Variants in WWOX observed in about 807,000 individuals in gnomAD.
WWOX encodes the protein WW domain containing oxidoreductase, also known as WW domain-containing oxidoreductase.
Under a neutral mutation model 46.2 loss-of-function variants are expected in WWOX, and 69 were observed. The observed-to-expected ratio is 1.49, with a 90% CI of 1.23 to 1.82. The LOEUF (loss-of-function observed/expected upper bound fraction) is 1.82. Ranked by LOEUF, WWOX falls within the 40% of genes most tolerant of loss-of-function variation. The probability of loss-of-function intolerance (pLI) is 0.00; values close to 1 mark genes in which losing one functional copy is unlikely to be tolerated. For missense variants in WWOX, 919 were observed against 542.6 expected (o/e 1.69, Z -6.89); for synonymous variants, 359 against 202.6 (o/e 1.77, Z -6.56).
chr16:79,018,485 C>G (rs1157796540), intron 8 of WWOX, among the ~76,000 whole-genome samples: 1 of 152,074 alleles, frequency 6.6e-6, no homozygotes, highest in Non-Finnish European at 1.5e-5. Flanking sequence ...TGGTCTGTGT[C>G]TACACAGACC....
chr16:78,536,901 CTTTT>C (rs35326105), intron 8 of WWOX, among the ~76,000 whole-genome samples: 90 of 120,042 alleles, frequency 7.5e-4, no homozygotes, highest in African/African-American at 2.7e-3. Flanking sequence ...AGAGCCAAGT[CTTTT>C]TTTTTTTTTT....
At chr16:78,729,472 G>C (rs1051130669) in intron 8 of WWOX, among the ~76,000 whole-genome samples, 9 of 152,166 alleles carry the variant, frequency 5.9e-5, no homozygotes, top group African/African-American at 2.2e-4. Context: ...TATGGAAGAA[G>C]GTCAGAGGGA....
intron 6 of WWOX, among the ~76,000 whole-genome samples, chr16:78,396,504 T>G (rs1427658483): frequency 1.3e-5 from 2 of 152,184 alleles, no homozygotes; most frequent in Non-Finnish European, 2.9e-5. Flanking sequence ...AACTTTCCCT[T>G]CCATAGAGAG....
At chr16:78,844,930 T>G (rs924442845) in intron 8 of WWOX, among the ~76,000 whole-genome samples, 1 of 152,124 alleles carries the variant, frequency 6.6e-6, no homozygotes, top group African/African-American at 2.4e-5. Flanking sequence ...TCTTTGGCCC[T>G]GAGAGAACAA....
chr16:78,118,045 C>CT (rs34141728), intron 4 of WWOX, among the ~76,000 whole-genome samples: 27,436 of 138,214 alleles, frequency 0.2, 2,665 homozygotes, highest in East Asian at 0.27. Context: ...TTCTTTCTTT[C>CT]TTTTTTTTTT....
chr16:78,124,913 G>C (rs1196652789), intron 4 of WWOX, among the ~76,000 whole-genome samples: 3 of 152,170 alleles, frequency 2.0e-5, no homozygotes, highest in African/African-American at 7.2e-5. Context: ...ACCTATTTCA[G>C]TGTCTCTACT....
At chr16:78,996,304 T>G (rs927177438) in intron 8 of WWOX, 1 of 984,728 alleles carries the variant, frequency 1.0e-6, no homozygotes, top group African/African-American at 1.8e-5. Flanking sequence ...GATCTTGCCT[T>G]GTGGATGTTT....
At position 78,417,967 on chromosome 16, in the gene WWOX, G is replaced by A. The variant is rs907426098; in HGVS notation, c.606-6903G>A. 4.6e-5 allele frequency among the ~76,000 whole-genome samples: 7 copies of A among 152,278 alleles called. No individual in the cohort carries two copies. The East Asian group carries it at 1.2e-3, about 25-fold the overall frequency. ...ATTCCTTAATAAGATCCAGATTACC[G>A]AGTGATAATAAGATTTGCATGAATA... On this transcript the variant is annotated intron_variant, in intron 6 of 8. Transcript: ENST00000566780.
intron 8 of WWOX, chr16:78,496,164 A>G (rs2738726): frequency 0.74 from 112,918 of 152,032 alleles, 44,296 homozygotes; most frequent in Admixed American, 0.86. Flanking sequence ...ATTCCCCTAA[A>G]TCTTCATTCT....
At chr16:78,109,905 A>T (rs1478501442) in intron 3 of WWOX, 70 bp downstream of exon 3, 21 of 1,499,860 alleles carry the variant, frequency 1.4e-5, no homozygotes, top group Non-Finnish European at 1.8e-5. Flanking sequence ...TATAAAAGTA[A>T]TACATAGTAA....
At chr16:78,830,628 C>G (rs571796405) in intron 8 of WWOX, among the ~76,000 whole-genome samples, 1 of 152,076 alleles carries the variant, frequency 6.6e-6, no homozygotes, top group Admixed American at 6.6e-5. Flanking sequence ...AAAATTGAAT[C>G]TCAGTACCTC....
chr16:78,828,437 C>T (rs1348400506), intron 8 of WWOX, among the ~76,000 whole-genome samples: 4 of 152,098 alleles, frequency 2.6e-5, no homozygotes, highest in African/African-American at 9.7e-5. Flanking sequence ...TCGTCACCAT[C>T]AGTGTTACTG....
intron 8 of WWOX, among the ~76,000 whole-genome samples, chr16:78,561,499 A>C (rs2044433673): frequency 1.3e-5 from 2 of 152,098 alleles, no homozygotes; most frequent in Admixed American, 1.3e-4. Flanking sequence ...GTATGAATTG[A>C]CTCAGTAACT....
intron 8 of WWOX, among the ~76,000 whole-genome samples, chr16:78,832,121 G>A (rs1248166396): frequency 6.6e-6 from 1 of 152,146 alleles, no homozygotes; most frequent in East Asian, 1.9e-4. Flanking sequence ...TCTAGCTCAG[G>A]GTCTTTTCTG....
intron 5 of WWOX, among the ~76,000 whole-genome samples, chr16:78,273,470 C>G (rs761943593): frequency 2.0e-5 from 3 of 152,166 alleles, no homozygotes; most frequent in Non-Finnish European, 2.9e-5. Context: ...CTCATTCACT[C>G]AATAAACATT....
At chr16:78,332,716 A>C (rs544994327) in intron 5 of WWOX, among the ~76,000 whole-genome samples, 1 of 152,234 alleles carries the variant, frequency 6.6e-6, no homozygotes, top group South Asian at 2.1e-4. Context: ...AGTTATAATA[A>C]TGTCATGATG....
intron 8 of WWOX, among the ~76,000 whole-genome samples, chr16:79,192,765 G>A (rs567120328): frequency 5.6e-4 from 86 of 152,268 alleles, no homozygotes; most frequent in African/African-American, 1.9e-3. Flanking sequence ...TGAGAAGAAC[G>A]TGAACTTCAG....
chr16:78,842,246 C>T (rs2052171375), intron 8 of WWOX, among the ~76,000 whole-genome samples: 1 of 151,728 alleles, frequency 6.6e-6, no homozygotes, highest in Non-Finnish European at 1.5e-5. Flanking sequence ...GTAATCTCAG[C>T]CCTTTTAGAA....
intron 8 of WWOX, among the ~76,000 whole-genome samples, chr16:79,012,245 C>T (rs2550728): frequency 0.53 from 80,316 of 151,572 alleles, 22,476 homozygotes; most frequent in East Asian, 0.83. Flanking sequence ...CTTAATTTTT[C>T]TTTTTGAGAT....
Sources: gnomAD v4.1 joint callset for allele counts (sites outside exome capture counted in the v4.1 genomes callset) on GRCh38, gnomAD v4.1.1 for gene constraint, MANE v1.5 for transcripts, NCBI Gene and HGNC (gene_info 2026-07-23, HGNC 2026-07-21) for gene names.